CAST: variants seen among roughly 807,000 people sequenced by gnomAD.
The protein encoded by CAST is MIR583 host.
A neutral mutation model predicts 119.6 loss-of-function variants in CAST; 76 were observed. The ratio of observed to expected loss-of-function variants is 0.64; its 90% CI spans 0.53 to 0.77. The LOEUF is 0.77. Among genes scored for constraint, CAST ranks in the 30% least tolerant of loss-of-function variants. The probability of loss-of-function intolerance (pLI) is 0.00; values close to 1 mark genes in which losing one functional copy is unlikely to be tolerated. For synonymous variants in CAST, 319 were observed against 331.6 expected (o/e 0.96, Z 0.41); for missense variants, 953 against 946.5 (o/e 1.01, Z -0.09).
At chr5:96,449,404 T>A in the CAST span, among the ~76,000 whole-genome samples, 1 of 152,210 alleles carries the variant, frequency 6.6e-6, no homozygotes. Flanking sequence ...CATGCTCTTA[T>A]GAGAATCTAA....
the CAST span, among the ~76,000 whole-genome samples, chr5:96,138,699 T>A: frequency 2.4e-4 from 36 of 151,946 alleles, no homozygotes. Context: ...CATAAGTATT[T>A]TATTTTATTT....
the CAST span, among the ~76,000 whole-genome samples, chr5:96,061,566 C>T: frequency 6.6e-6 from 1 of 152,018 alleles, no homozygotes; most frequent in Non-Finnish European, 1.5e-5. Context: ...GACTTGGATG[C>T]ACTATAGCCC....
intron 4 of CAST, among the ~76,000 whole-genome samples, chr5:96,725,169 G>A (rs1307043968): frequency 6.6e-6 from 1 of 152,164 alleles, no homozygotes; most frequent in African/African-American, 2.4e-5. Context: ...GTCCCCAGTG[G>A]CTAACTAGGG....
the CAST span, among the ~76,000 whole-genome samples, chr5:96,412,752 G>GTTTTGTTTTTTTTTTTTT: frequency 8.4e-5 from 6 of 71,832 alleles, no homozygotes; most frequent in African/African-American, 5.4e-4. Context: ...CAGCTGTGAT[G>GTTTTGTTTTTTTTTTTTT]TTTTTTTTTT....
intron 3 of CAST, among the ~76,000 whole-genome samples, chr5:96,721,328 T>G (rs1045383343): frequency 9.9e-5 from 15 of 152,222 alleles, no homozygotes; most frequent in African/African-American, 3.1e-4. Flanking sequence ...TAAATTATGA[T>G]AGTTTAACTA....
chr5:96,741,706 A>C, intron 15 of CAST, 126 bp downstream of exon 15: 1 of 646,362 alleles, frequency 1.5e-6, no homozygotes, highest in East Asian at 2.8e-5. Context: ...GTCTATGTGG[A>C]ATAGTGAAGC....
chr5:96,091,865 G>A, the CAST span, among the ~76,000 whole-genome samples: 537 of 152,264 alleles, frequency 3.5e-3, 2 homozygotes, highest in African/African-American at 4.6e-3. Context: ...CACCTGCCTC[G>A]TGGGGTTGGT....
chr5:96,580,209 TTA>T (rs1238789009), intron 1 of CAST, among the ~76,000 whole-genome samples: 1 of 152,190 alleles, frequency 6.6e-6, no homozygotes, highest in Non-Finnish European at 1.5e-5. Context: ...ATTAAAAATT[TTA>T]TATTAATTTC....
chr5:96,609,485 C>T (rs1747321112), intron 1 of CAST, among the ~76,000 whole-genome samples: 1 of 152,184 alleles, frequency 6.6e-6, no homozygotes, highest in African/African-American at 2.4e-5. Flanking sequence ...TCCAGTATGT[C>T]TGAGGTGGGG....
rs1163111365 is a variant in CAST at position 96,765,329 on chromosome 5, A to T, written c.2037+4A>T. ...ACCAATGGAAGATAAAGTAAAGGTAAAAAAAAAAAAAAAAAAAAAAAAAAT... is the reference window on the plus strand; with the variant it reads ...ACCAATGGAAGATAAAGTAAAGGTATAAAAAAAAAAAAAAAAAAAAAAAAT... On this transcript the variant is annotated splice_donor_region_variant and intron_variant, in intron 26 of 31. Coordinates refer to ENST00000675179, the MANE Select transcript of CAST (RefSeq NM_001750.7). The T allele has an allele frequency of 6.8e-4, 12 of 17,640 alleles. No individual in the cohort carries two copies. The East Asian group carries it at 9.6e-3, about 14-fold the overall frequency. 1.1% of individuals were successfully genotyped at this position (17,640 alleles called of 1,614,324 possible).
chr5:96,406,597 G>A, the CAST span, among the ~76,000 whole-genome samples: 2 of 152,148 alleles, frequency 1.3e-5, no homozygotes, highest in African/African-American at 4.8e-5. Flanking sequence ...TCCATAGGAA[G>A]CCCCAGGGAT....
chr5:96,237,469 G>A, the CAST span, among the ~76,000 whole-genome samples: 2 of 152,178 alleles, frequency 1.3e-5, no homozygotes, highest in African/African-American at 2.4e-5. Context: ...AAAGTTGCAC[G>A]TTTTTCTAGC....
the CAST span, among the ~76,000 whole-genome samples, chr5:96,390,003 G>GGA: frequency 6.6e-6 from 1 of 152,164 alleles, no homozygotes; most frequent in Non-Finnish European, 1.5e-5. Flanking sequence ...TTCACACTTA[G>GGA]CTGCTTTACT....
At chr5:95,997,525 T>G in the CAST span, among the ~76,000 whole-genome samples, 1 of 152,236 alleles carries the variant, frequency 6.6e-6, no homozygotes, top group South Asian at 2.1e-4. Context: ...CTAGGTAAGA[T>G]AACAGAGCTA....
chr5:96,045,993 T>C, the CAST span, among the ~76,000 whole-genome samples: 1 of 152,040 alleles, frequency 6.6e-6, no homozygotes, highest in Non-Finnish European at 1.5e-5. Context: ...AAAGAGACAT[T>C]TAAACAAATA....
the CAST span, among the ~76,000 whole-genome samples, chr5:96,106,821 G>GGT: frequency 6.9e-6 from 1 of 145,000 alleles, no homozygotes; most frequent in Admixed American, 6.9e-5. Flanking sequence ...TTGACAGTGG[G>GGT]GTGTTAAAGT....
chr5:96,657,821 G>A (rs1213283344), upstream of CAST, among the ~76,000 whole-genome samples: 1 of 152,208 alleles, frequency 6.6e-6, no homozygotes. Flanking sequence ...TGTAGGCCAG[G>A]CACGGTGGCT....
chr5:96,754,032 C>G, intron 20 of CAST, 28 bp from the exon 21 acceptor site: 1 of 1,332,636 alleles, frequency 7.5e-7, no homozygotes, highest in Non-Finnish European at 1.1e-6. Flanking sequence ...TAACCACCTA[C>G]TTAATATATC....
At chr5:96,412,357 G>T in the CAST span, 11 of 1,613,958 alleles carry the variant, frequency 6.8e-6, no homozygotes, top group South Asian at 3.3e-5. Flanking sequence ...GGGCTAGCCG[G>T]CCAGGCCCCT....
Sources: allele counts gnomAD v4.1 joint callset (sites outside exome capture counted in the v4.1 genomes callset), GRCh38; gene constraint gnomAD v4.1.1; transcripts MANE v1.5; gene names NCBI Gene and HGNC (gene_info 2026-07-23, HGNC 2026-07-21).